INSL6: variants seen among roughly 807,000 people sequenced by gnomAD.
INSL6 encodes the protein insulin-like peptide INSL6.
A neutral mutation model predicts 9.4 loss-of-function variants in INSL6; 16 were observed. The observed-to-expected ratio is 1.70, with a 90% CI of 1.15 to 2.59. The LOEUF is 2.59. Ranked by LOEUF, INSL6 falls within the 30% of genes most tolerant of loss-of-function variation. INSL6 has a pLI of 0.00. For synonymous variants in INSL6, 154 were observed against 96.9 expected (o/e 1.59, Z -3.46); for missense variants, 391 against 257.3 (o/e 1.52, Z -3.56).
At chr9:5,051,171 G>T in the INSL6 span, among the ~76,000 whole-genome samples, 1 of 151,980 alleles carries the variant, frequency 6.6e-6, no homozygotes, top group Non-Finnish European at 1.5e-5. Context: ...AAATCATATG[G>T]GTAAGTTTTA....
At chr9:5,039,471 C>T in the INSL6 span, among the ~76,000 whole-genome samples, 47 of 152,066 alleles carry the variant, frequency 3.1e-4, no homozygotes, top group Non-Finnish European at 2.2e-4. Flanking sequence ...CTTTGTATAT[C>T]AGGAACATGA....
intron 2 of INSL6, among the ~76,000 whole-genome samples, chr9:5,135,518 A>G (rs1271579163): frequency 6.6e-6 from 1 of 152,210 alleles, no homozygotes; most frequent in Non-Finnish European, 1.5e-5. Flanking sequence ...CTCCTGAATG[A>G]CTACTGGGGT....
the INSL6 span, among the ~76,000 whole-genome samples, chr9:5,071,245 A>G: frequency 3.0e-3 from 456 of 152,322 alleles, 1 homozygote; most frequent in African/African-American, 0.011. Context: ...ATTCCCACAG[A>G]TAAAAGCATT....
the INSL6 span, chr9:5,068,915 C>A: frequency 1.5e-6 from 1 of 654,830 alleles, no homozygotes. Context: ...ATTCATGGTT[C>A]AAATGTTTAT....
At chr9:5,100,639 C>G in the INSL6 span, 1 of 152,240 alleles carries the variant, frequency 6.6e-6, no homozygotes, top group Non-Finnish European at 1.5e-5. Context: ...CTGAATACAT[C>G]TGTATTATTT....
intron 1 of INSL6, among the ~76,000 whole-genome samples, chr9:5,173,969 A>C (rs1426807998): frequency 1.3e-5 from 2 of 152,074 alleles, no homozygotes; most frequent in Non-Finnish European, 2.9e-5. Flanking sequence ...CAAATTTTTA[A>C]ATTCATCTCT....
chr9:5,033,383 G>C, the INSL6 span, among the ~76,000 whole-genome samples: 22 of 152,076 alleles, frequency 1.4e-4, no homozygotes, highest in Non-Finnish European at 2.9e-4. Context: ...TCAGGAAATA[G>C]AGAGAACGCC....
downstream of INSL6, among the ~76,000 whole-genome samples, chr9:5,161,536 T>C (rs1490412853): frequency 6.6e-6 from 1 of 151,970 alleles, no homozygotes; most frequent in Admixed American, 6.6e-5. Context: ...CCTGACAAGG[T>C]TGTCCCCTTT....
chr9:5,038,010 A>G, the INSL6 span, among the ~76,000 whole-genome samples: 642 of 152,350 alleles, frequency 4.2e-3, 4 homozygotes, highest in African/African-American at 0.015. Flanking sequence ...TATGAGAATA[A>G]TGAACGAGAT....
chr9:5,140,015 A>C (rs373547656), intron 2 of INSL6, among the ~76,000 whole-genome samples: 7 of 152,314 alleles, frequency 4.6e-5, no homozygotes, highest in African/African-American at 1.7e-4. Context: ...ACTTGCAAAT[A>C]ACTGGGAAAA....
the INSL6 span, among the ~76,000 whole-genome samples, chr9:4,998,966 T>C: frequency 6.6e-6 from 1 of 150,398 alleles, no homozygotes; most frequent in Non-Finnish European, 1.5e-5. Flanking sequence ...GGACTACAGG[T>C]GCCCGCCACC....
the INSL6 span, among the ~76,000 whole-genome samples, chr9:4,999,193 A>G: frequency 6.6e-6 from 1 of 152,222 alleles, no homozygotes; most frequent in African/African-American, 2.4e-5. Flanking sequence ...TAAAATGATT[A>G]CATTTGACTT....
At chr9:5,181,412 G>C (rs1021452616) in intron 1 of INSL6, among the ~76,000 whole-genome samples, 11 of 152,020 alleles carry the variant, frequency 7.2e-5, no homozygotes, top group African/African-American at 2.7e-4. Context: ...AAAAATAATT[G>C]ATTAGTAGAA....
chr9:5,060,140 A>T, the INSL6 span, among the ~76,000 whole-genome samples: 1 of 152,218 alleles, frequency 6.6e-6, no homozygotes. Flanking sequence ...AATTAATTTA[A>T]AACACTTTAT....
At chr9:5,091,869 T>C in the INSL6 span, among the ~76,000 whole-genome samples, 77 of 152,178 alleles carry the variant, frequency 5.1e-4, no homozygotes, top group Non-Finnish European at 5.0e-4. Context: ...TTAAGCTCTA[T>C]TGCTAGTAAG....
the INSL6 span, among the ~76,000 whole-genome samples, chr9:5,042,862 C>A: frequency 6.6e-6 from 1 of 152,196 alleles, no homozygotes; most frequent in Non-Finnish European, 1.5e-5. Context: ...AGCTCGGTCG[C>A]CACAGGCACG....
chr9:5,148,181 G>A (rs1824639664), intron 2 of INSL6, among the ~76,000 whole-genome samples: 1 of 152,058 alleles, frequency 6.6e-6, no homozygotes, highest in Admixed American at 6.5e-5. Flanking sequence ...CTTCAATTGT[G>A]GTATAAACTG....
chr9:5,119,514 T>TA (rs535068968), downstream of INSL6, among the ~76,000 whole-genome samples: 126 of 152,254 alleles, frequency 8.3e-4, 1 homozygote, highest in East Asian at 0.023. Context: ...GCAGTCAGGA[T>TA]AAGCTGAAGA....
At chr9:5,039,939 T>C in the INSL6 span, among the ~76,000 whole-genome samples, 4 of 152,312 alleles carry the variant, frequency 2.6e-5, no homozygotes, top group African/African-American at 9.6e-5. Flanking sequence ...TAAATGTCTT[T>C]ATTGCAGAAA....
Sources: gnomAD v4.1 joint callset for allele counts (sites outside exome capture counted in the v4.1 genomes callset) on GRCh38, gnomAD v4.1.1 for gene constraint, MANE v1.5 for transcripts, NCBI Gene and HGNC (gene_info 2026-07-23, HGNC 2026-07-21) for gene names.